The following ERBB4 variants were observed in gnomAD, a reference collection of about 807,000 sequenced individuals.
ERBB4 encodes the protein receptor tyrosine-protein kinase erbB-4.
Under a neutral mutation model 158.0 loss-of-function variants are expected in ERBB4, and 42 were observed. The ratio of observed to expected loss-of-function variants is 0.27; its 90% CI spans 0.21 to 0.34. The LOEUF is 0.34. ERBB4 is among the 10% of genes least tolerant of loss of function. The pLI, the probability that ERBB4 is intolerant of heterozygous loss-of-function variation, is 1.00. For synonymous variants in ERBB4, 583 were observed against 558.7 expected (o/e 1.04, Z -0.61); for missense variants, 1,333 against 1,624.1 (o/e 0.82, Z 3.08).
intron 1 of ERBB4, among the ~76,000 whole-genome samples, chr2:212,449,552 A>G (rs1479218815): frequency 1.3e-5 from 2 of 152,114 alleles, no homozygotes; most frequent in African/African-American, 4.8e-5. Context: ...CTAAATTACA[A>G]TTGCTACCAT....
intron 1 of ERBB4, among the ~76,000 whole-genome samples, chr2:212,306,338 T>C (rs2086808852): frequency 6.6e-6 from 1 of 151,422 alleles, no homozygotes; most frequent in Admixed American, 6.6e-5. Context: ...AACGAAAGCC[T>C]CTCTGAGTAT....
chr2:211,798,301 T>C (rs1442745992), intron 3 of ERBB4, among the ~76,000 whole-genome samples: 1 of 152,100 alleles, frequency 6.6e-6, no homozygotes, highest in African/African-American at 2.4e-5. Context: ...GAAAATAATG[T>C]TTTTGAGATT....
intron 3 of ERBB4, among the ~76,000 whole-genome samples, chr2:211,831,857 C>T (rs749973636): frequency 1.3e-5 from 2 of 151,878 alleles, no homozygotes; most frequent in African/African-American, 2.4e-5. Context: ...GAGCCGAGGT[C>T]GCGCCATTGC....
intron 1 of ERBB4, among the ~76,000 whole-genome samples, chr2:212,282,306 C>A (rs1384469286): frequency 6.6e-6 from 1 of 151,878 alleles, no homozygotes. Context: ...AGTGACTTGG[C>A]AACAGAGCTG....
intron 1 of ERBB4, among the ~76,000 whole-genome samples, chr2:212,525,219 A>C: frequency 6.6e-6 from 1 of 151,842 alleles, no homozygotes; most frequent in Middle Eastern, 3.2e-3. Context: ...CAGTAAAGTT[A>C]TTTTTTTTCA....
intron 1 of ERBB4, among the ~76,000 whole-genome samples, chr2:212,258,650 T>C (rs2084827527): frequency 6.7e-6 from 1 of 148,770 alleles, no homozygotes. Context: ...TAATATGTTT[T>C]TAATAGAACA....
chr2:212,178,805 C>T (rs928897547), intron 1 of ERBB4, among the ~76,000 whole-genome samples: 2 of 151,260 alleles, frequency 1.3e-5, no homozygotes, highest in African/African-American at 4.8e-5. Flanking sequence ...TCTCCTCCAT[C>T]GCCAAAACAT....
chr2:212,468,975 T>G (rs571650356), intron 1 of ERBB4, among the ~76,000 whole-genome samples: 1 of 152,364 alleles, frequency 6.6e-6, no homozygotes, highest in Admixed American at 6.5e-5. Context: ...AGGCCATTGT[T>G]GATTTGTAGA....
chr2:211,418,818 C>T (rs1033479886), intron 25 of ERBB4, among the ~76,000 whole-genome samples: 1 of 151,910 alleles, frequency 6.6e-6, no homozygotes, highest in Non-Finnish European at 1.5e-5. Context: ...CGCTTTCTTC[C>T]CCTCTCACAA....
intron 20 of ERBB4, among the ~76,000 whole-genome samples, chr2:211,480,384 C>A (rs879677126): frequency 6.6e-6 from 1 of 152,148 alleles, no homozygotes; most frequent in Non-Finnish European, 1.5e-5. Flanking sequence ...ACAAATTTCT[C>A]ACTTACTGTT....
chr2:211,818,620 A>T (rs1245784065), intron 3 of ERBB4, among the ~76,000 whole-genome samples: 2 of 152,162 alleles, frequency 1.3e-5, no homozygotes, highest in Non-Finnish European at 2.9e-5. Flanking sequence ...CACTTAATAA[A>T]GGATAATATC....
At chr2:212,456,515 C>T (rs1688296225) in intron 1 of ERBB4, among the ~76,000 whole-genome samples, 1 of 151,424 alleles carries the variant, frequency 6.6e-6, no homozygotes, top group African/African-American at 2.4e-5. Flanking sequence ...AAGACTGAGT[C>T]TGCTGTTTAT....
chr2:211,742,261 C>T (rs1172599818), intron 5 of ERBB4, among the ~76,000 whole-genome samples: 3 of 152,138 alleles, frequency 2.0e-5, no homozygotes, highest in African/African-American at 7.2e-5. Context: ...ATTTGTTCCA[C>T]AAAGAATGTA....
At chr2:211,956,009 G>A (rs369428708) in intron 2 of ERBB4, among the ~76,000 whole-genome samples, 4 of 149,670 alleles carry the variant, frequency 2.7e-5, no homozygotes. Flanking sequence ...TTCATAAGTT[G>A]AAGATTCTAT....
intron 1 of ERBB4, among the ~76,000 whole-genome samples, chr2:212,319,588 T>G (rs2087463668): frequency 6.6e-6 from 1 of 150,470 alleles, no homozygotes; most frequent in African/African-American, 2.4e-5. Context: ...TATGGCCAAA[T>G]GGCAAAGCAA....
At chr2:211,750,047 C>T (rs1413228282) in intron 5 of ERBB4, among the ~76,000 whole-genome samples, 1 of 151,776 alleles carries the variant, frequency 6.6e-6, no homozygotes, top group East Asian at 1.9e-4. Context: ...ATTTAGTATG[C>T]TTTGTTACTA....
chr2:212,191,807 A>G (rs2082242337), intron 1 of ERBB4, among the ~76,000 whole-genome samples: 2 of 137,226 alleles, frequency 1.5e-5, no homozygotes, highest in Non-Finnish European at 3.2e-5. Context: ...TGTTATATAT[A>G]ATACATGTTA....
chr2:212,017,939 A>C (rs1356334770), intron 2 of ERBB4, among the ~76,000 whole-genome samples: 2 of 152,192 alleles, frequency 1.3e-5, no homozygotes, highest in Admixed American at 6.5e-5. Context: ...TTAATGTAGA[A>C]AAAGAAGCTA....
At chr2:212,371,831 A>C (rs1335170267) in intron 1 of ERBB4, among the ~76,000 whole-genome samples, 2 of 152,128 alleles carry the variant, frequency 1.3e-5, no homozygotes, top group Non-Finnish European at 2.9e-5. Flanking sequence ...TCTCCACTTA[A>C]AGAGAAAGAA....
Sources: gnomAD v4.1 joint callset for allele counts (sites outside exome capture counted in the v4.1 genomes callset) on GRCh38, gnomAD v4.1.1 for gene constraint, MANE v1.5 for transcripts, NCBI Gene and HGNC (gene_info 2026-07-23, HGNC 2026-07-21) for gene names.